The following ACTR1B variants were observed in gnomAD, a reference collection of about 807,000 sequenced individuals.
ACTR1B encodes actin related protein 1B.
In ACTR1B, 34 loss-of-function variants were observed where a neutral mutation model predicts 49.4. That is an observed-to-expected ratio of 0.69 (90% CI 0.52 to 0.92). ACTR1B has a LOEUF of 0.92. Among genes scored for constraint, ACTR1B ranks in the 40% least tolerant of loss-of-function variants. ACTR1B has a pLI of 0.00. For missense variants in ACTR1B, 471 were observed against 522.4 expected (o/e 0.90, Z 0.96); for synonymous variants, 207 against 207.8 (o/e 1.00, Z 0.03).
intron 1 of ACTR1B, among the ~76,000 whole-genome samples, chr2:97,663,600 C>T (rs1675090118): frequency 6.6e-6 from 1 of 151,954 alleles, no homozygotes; most frequent in Non-Finnish European, 1.5e-5. Flanking sequence ...CTGAACTTCC[C>T]CGCCCGACTC....
chr2:97,658,247 A>T lies in ACTR1B; in HGVS notation c.727T>A (p.Leu243Met), dbSNP rs1472425269. The T allele has an allele frequency of 1.2e-6, 2 of 1,614,170 alleles. No individual in the cohort carries two copies. The highest frequency in any genetic ancestry group is 2.2e-5 in the South Asian group (2 of 91,088). ...ACATCAAGCGTGCTGCCGTCTGGCA[A>T]CGTGTACTGCACCTTCTCCGTCTCC... is the stretch of plus-strand genomic sequence containing the variant. ...ALETEKVQYT[L>M]PDGSTLDVGP... The change falls in exon 7 of 11, where the codon TTG (leucine) becomes ATG (methionine). Residue 243 changes from leucine (L) to methionine (M), a missense_variant. Transcript: ENST00000289228. The surrounding 1 kb of genome is among the most constrained non-coding windows in gnomAD (Gnocchi z 5.9).
At position 97,658,565 on chromosome 2, in the gene ACTR1B, G is replaced by A. The variant is rs147014229; in HGVS notation, c.519C>T (p.Gly173=). The A allele has an allele frequency of 4.1e-4, 666 of 1,613,968 alleles. 1 individual carries two copies. The highest frequency in any genetic ancestry group is 5.5e-4 in the Non-Finnish European group (644 of 1,180,038). Residue 173 remains glycine, a synonymous_variant, in exon 6 of 11, where the codon GGC becomes GGT. Coordinates refer to ENST00000289228, the MANE Select transcript of ACTR1B (RefSeq NM_005735.4). This position sits in a 1 kb window ranked among gnomAD's most constrained non-coding sequence, Gnocchi z 5.9. ...GCATGATGGAGTGAGGCATGGCAAA[G>A]CCCTCATAGATGGGCACAGCATGAG... ...GVTHAVPIYE[G]FAMPHSIMRV... is the part of the protein sequence containing the mutation.
In ACTR1B at chr2:97,663,923, G is replaced by T. The variant is rs1302957139; in HGVS notation, c.-33C>A. The T allele has an allele frequency of 1.6e-6, 2 of 1,270,960 alleles. No homozygotes were observed. The highest frequency in any genetic ancestry group is 6.9e-5 in the East Asian group (2 of 28,978). 78.7% of individuals were successfully genotyped at this position (1,270,960 alleles called of 1,614,324 possible). ...CCGCGCCGGCCCTGCCCAGCAGGCG[G>T]GCTGCAGGAGGCACCGGATGGGCGG... On this transcript the variant is annotated 5_prime_UTR_variant, in exon 1 of 11. Coordinates refer to ENST00000289228, the MANE Select transcript of ACTR1B (RefSeq NM_005735.4).
In ACTR1B at chr2:97,656,007, T is replaced by C. The variant is rs1289848861; in HGVS notation, c.*851A>G. Reference sequence around the variant, plus strand: ...ATTACTATAATGATTTACAAAAGTTTTTTTCAGGCAACCGTGTTAAATTAT... The same window carrying C: ...ATTACTATAATGATTTACAAAAGTTCTTTTCAGGCAACCGTGTTAAATTAT... On this transcript the variant is annotated 3_prime_UTR_variant, in exon 11 of 11. Coordinates refer to ENST00000289228, the MANE Select transcript of ACTR1B (RefSeq NM_005735.4). 2 of 152,204 alleles carry C rather than the reference T, an allele frequency of 1.3e-5. No individual in the cohort carries two copies. The highest frequency in any genetic ancestry group is 4.8e-5 in the African/African-American group (2 of 41,452). 9.4% of individuals were successfully genotyped at this position (152,204 alleles called of 1,614,324 possible). A position where few individuals can be genotyped will look rare whatever the true frequency, so the allele number is the denominator to read the frequency against.
In ACTR1B at chr2:97,658,271, C is replaced by A; in HGVS notation, c.703G>T (p.Glu235Ter). 6.2e-7 allele frequency: 1 copy of A among 1,614,202 alleles called. No individual in the cohort carries two copies. The highest frequency in any genetic ancestry group is 1.1e-5 in the South Asian group (1 of 91,086). ...SINPQKDEAL[E>*]TEKVQYTLPD... is the part of the protein sequence containing the mutation. ...AACGTGTACTGCACCTTCTCCGTCT[C>A]CAGAGCCTCATCCTTCTGTGGGTTG... Residue 235 changes from glutamate (E) to a stop codon, truncating the protein, a stop_gained, in exon 7 of 11, where the codon GAG becomes TAG. Transcript: ENST00000289228. LOFTEE classifies it high-confidence loss of function. This position sits in a 1 kb window ranked among gnomAD's most constrained non-coding sequence, Gnocchi z 5.9.
chr2:97,662,722 T>TA (rs1342004674), intron 1 of ACTR1B, among the ~76,000 whole-genome samples: 1 of 152,162 alleles, frequency 6.6e-6, no homozygotes, highest in Non-Finnish European at 1.5e-5. Context: ...ATCTCCAAGT[T>TA]ACAGAGGAGG....
At position 97,663,826 on chromosome 2, in the gene ACTR1B, T is replaced by G; in HGVS notation, c.48+17A>C. ...GGGGGCGGGGCGCCCGCCCTCCCCCTGGCTGCCGGGCCTCACGTTGTCGAT... is the reference window on the plus strand; with the variant it reads ...GGGGGCGGGGCGCCCGCCCTCCCCCGGGCTGCCGGGCCTCACGTTGTCGAT... On this transcript the variant is annotated intron_variant, in intron 1 of 10. Coordinates refer to ENST00000289228, the MANE Select transcript of ACTR1B (RefSeq NM_005735.4). 7.2e-7 allele frequency: 1 copy of G among 1,384,622 alleles called. No individual in the cohort carries two copies. 85.8% of individuals were successfully genotyped at this position (1,384,622 alleles called of 1,614,324 possible). A position where few individuals can be genotyped will look rare whatever the true frequency, so the allele number is the denominator to read the frequency against.
Position 97,659,734 on chromosome 2 carries a change from C to A in ACTR1B, c.190-257G>T. The A allele has an allele frequency of 1.8e-6, 1 of 550,134 alleles. No individual in the cohort carries two copies. The highest frequency in any genetic ancestry group is 3.2e-6 in the Non-Finnish European group (1 of 308,372). The allele number at this position is 550,134 out of a possible 1,614,324, so 34.1% of individuals were successfully genotyped here. A position where few individuals can be genotyped will look rare whatever the true frequency, so the allele number is the denominator to read the frequency against. ...TCAGAGAGGGTGGCAGTGTGCCCCGCAATCTGCAGGCTCTCTTCTTCCCCA... is the reference window on the plus strand; with the variant it reads ...TCAGAGAGGGTGGCAGTGTGCCCCGAAATCTGCAGGCTCTCTTCTTCCCCA... On this transcript the variant is annotated intron_variant, in intron 3 of 10. Coordinates refer to ENST00000289228, the MANE Select transcript of ACTR1B (RefSeq NM_005735.4). This position sits in a 1 kb window ranked among gnomAD's most constrained non-coding sequence, Gnocchi z 4.0.
At chr2:97,657,304 G>C (rs1404210246) in intron 9 of ACTR1B, 112 bp from the exon 10 acceptor site, 1 of 1,516,780 alleles carries the variant, frequency 6.6e-7, no homozygotes, top group African/African-American at 1.4e-5. Context: ...GGCATAAGCT[G>C]GGGAGTGGCA....
chr2:97,656,203 G>C lies in ACTR1B; in HGVS notation c.*655C>G, dbSNP rs1257173486. The C allele has an allele frequency of 3.9e-5, 6 of 152,322 alleles. No homozygotes were observed. Among genetic ancestry groups the C allele is most frequent in the Non-Finnish European group, 2.9e-5 (2 of 68,150 alleles). The allele number at this position is 152,322 out of a possible 1,614,324, so 9.4% of individuals were successfully genotyped here. On this transcript the variant is annotated 3_prime_UTR_variant, in exon 11 of 11. Coordinates refer to ENST00000289228, the MANE Select transcript of ACTR1B (RefSeq NM_005735.4). ...AACCCTTTCCCACCCAGGGTGCCGA[G>C]GGTAGAGGGAGGAGCAAGTGGATGA... is the stretch of plus-strand genomic sequence containing the variant.
chr2:97,662,241 G>C (rs1675033529), intron 1 of ACTR1B, among the ~76,000 whole-genome samples: 1 of 152,146 alleles, frequency 6.6e-6, no homozygotes, highest in African/African-American at 2.4e-5. Flanking sequence ...ACGATGCACA[G>C]GCGAGCCTGC....
Position 97,658,232 on chromosome 2 carries a change from T to C in ACTR1B, c.742A>G (p.Thr248Ala). 1 of 1,614,166 alleles carries C rather than the reference T, an allele frequency of 6.2e-7. No homozygotes were observed. The highest frequency in any genetic ancestry group is 1.6e-4 in the Middle Eastern group (1 of 6,062). Residue 248 changes from threonine (T) to alanine (A), a missense_variant, in exon 7 of 11, where the codon ACG becomes GCG. By Grantham distance (58) the Thr-to-Ala change is moderately conservative. Coordinates refer to ENST00000289228, the MANE Select transcript of ACTR1B (RefSeq NM_005735.4). This position sits in a 1 kb window ranked among gnomAD's most constrained non-coding sequence, Gnocchi z 5.9. Reference protein sequence around the residue: ...KVQYTLPDGSTLDVGPARFRA... With the variant: ...KVQYTLPDGSALDVGPARFRA... ...CAGGCCCGGCCACTTACATCAAGCG[T>C]GCTGCCGTCTGGCAACGTGTACTGC...
chr2:97,663,737 G>C, intron 1 of ACTR1B, 106 bp downstream of exon 1: 2 of 610,036 alleles, frequency 3.3e-6, no homozygotes, highest in Non-Finnish European at 4.4e-6. Flanking sequence ...CGACGGCCAC[G>C]CAGTGAGCGG....
At position 97,656,770 on chromosome 2, in the gene ACTR1B, C is replaced by A. The variant is rs182563646; in HGVS notation, c.*88G>T. On this transcript the variant is annotated 3_prime_UTR_variant, in exon 11 of 11. Coordinates refer to ENST00000289228, the MANE Select transcript of ACTR1B (RefSeq NM_005735.4). ...TTCAGGGCATGCAGGGGACCCTAAG[C>A]CTAGTATACGAGCCAAGACCAAAAA... 2 of 1,120,268 alleles carry A rather than the reference C, an allele frequency of 1.8e-6. No homozygotes were observed. The highest frequency in any genetic ancestry group is 1.5e-5 in the African/African-American group (1 of 64,620). 69.4% of individuals were successfully genotyped at this position (1,120,268 alleles called of 1,614,324 possible). A position where few individuals can be genotyped will look rare whatever the true frequency, so the allele number is the denominator to read the frequency against.
Position 97,656,723 on chromosome 2 carries a change from T to A in ACTR1B, c.*135A>T. On this transcript the variant is annotated 3_prime_UTR_variant, in exon 11 of 11. Coordinates refer to ENST00000289228, the MANE Select transcript of ACTR1B (RefSeq NM_005735.4). ...AGAGGGGAAGGCTGCAGGGGGGCAC[T>A]GCTGTGCCACCCACCCAGGGGTTCA... The A allele has an allele frequency of 1.4e-6, 1 of 695,780 alleles. No individual in the cohort carries two copies. The highest frequency in any genetic ancestry group is 2.5e-6 in the Non-Finnish European group (1 of 396,594). 43.1% of individuals were successfully genotyped at this position (695,780 alleles called of 1,614,324 possible).
chr2:97,657,457 G>C lies in ACTR1B; in HGVS notation c.978C>G (p.Ile326Met), dbSNP rs1674874977. 2 of 1,614,100 alleles carry C rather than the reference G, an allele frequency of 1.2e-6. No homozygotes were observed. Among genetic ancestry groups the C allele is most frequent in the Non-Finnish European group, 1.7e-6 (2 of 1,180,026 alleles). Residue 326 changes from isoleucine (I) to methionine (M), a missense_variant, in exon 9 of 11, where the codon ATC becomes ATG. By Grantham distance (10) the Ile-to-Met change is conservative. Coordinates refer to ENST00000289228, the MANE Select transcript of ACTR1B (RefSeq NM_005735.4). ...GTTTCTGTAACCTCACCTTGATTTTGATATCCTTTGGGGCAAGCTTCTTCA... is the reference window on the plus strand; with the variant it reads ...GTTTCTGTAACCTCACCTTGATTTTCATATCCTTTGGGGCAAGCTTCTTCA... ...SEVKKLAPKD[I>M]KIKISAPQER...
Position 97,659,098 on chromosome 2 carries a change from C to A in ACTR1B, c.316-95G>T, listed in dbSNP as rs540678827. 9 of 1,579,266 alleles carry A rather than the reference C, an allele frequency of 5.7e-6. No homozygotes were observed. The African/African-American group carries it at 8.0e-5, about 14-fold the overall frequency. ...AGAACCACACCCGCTGGCGCACAGG[C>A]AGCTCAGCCTCCTACCCCTCCTGAG... On this transcript the variant is annotated intron_variant, in intron 4 of 10. Transcript: ENST00000289228. This position sits in a 1 kb window ranked among gnomAD's most constrained non-coding sequence, Gnocchi z 4.0.
intron 3 of ACTR1B, 139 bp downstream of exon 3, chr2:97,660,432 A>C: frequency 1.3e-6 from 1 of 758,062 alleles, no homozygotes; most frequent in Non-Finnish European, 2.2e-6. Context: ...TCTCAGGGGG[A>C]GGTGCCCCTG....
chr2:97,661,961 A>T lies in ACTR1B; in HGVS notation c.49-15T>A. 6.3e-7 allele frequency: 1 copy of T among 1,578,870 alleles called. No homozygotes were observed. Among genetic ancestry groups the T allele is most frequent in the Non-Finnish European group, 8.6e-7 (1 of 1,159,978 alleles). ...ACCCCCGAACCCTGCAAGGAAAAAC[A>T]AAGTTGAGCTGCCCACATGCACCAC... On this transcript the variant is annotated splice_polypyrimidine_tract_variant and intron_variant, in intron 1 of 10. Transcript: ENST00000289228.
Sources: allele counts gnomAD v4.1 joint callset (sites outside exome capture counted in the v4.1 genomes callset), GRCh38; gene constraint gnomAD v4.1.1; non-coding constraint Gnocchi (gnomAD v3.1); transcripts MANE v1.5; gene names NCBI Gene and HGNC (gene_info 2026-07-23, HGNC 2026-07-21).